The following NPAS3 variants were observed in gnomAD, a reference collection of about 807,000 sequenced individuals.
The protein encoded by NPAS3 is neuronal PAS domain-containing protein 3.
A neutral mutation model predicts 73.1 loss-of-function variants in NPAS3; 14 were observed. The ratio of observed to expected loss-of-function variants is 0.19; its 90% CI spans 0.13 to 0.30. The LOEUF is 0.30. NPAS3 is among the 10% of genes least tolerant of loss of function. The pLI is 1.00. For synonymous variants in NPAS3, 620 were observed against 541.5 expected, an observed-to-expected ratio of 1.14 and a Z score of -2.01; for missense variants, 1,096 against 1,250.0, an observed-to-expected ratio of 0.88 and a Z score of 1.86.
In NPAS3 at chr14:33,235,805, C is replaced by CTTTTTTTTTTTT. The variant is rs35968798; in HGVS notation, c.385+20392_385+20403dup. On this transcript the variant is annotated intron_variant, in intron 3 of 11. Transcript: ENST00000356141. ...GACTAAAAGTTCTGTTGATACAATT[C>CTTTTTTTTTTTT]TTTTTTTTTTTTTTTTTTTTTTTTG... 5.2e-4 allele frequency among the ~76,000 whole-genome samples: 42 copies of CTTTTTTTTTTTT among 80,632 alleles called. 7 individuals are homozygous for CTTTTTTTTTTTT. The highest frequency in any genetic ancestry group is 2.1e-3 in the African/African-American group (41 of 19,954). 52.9% of individuals were successfully genotyped at this position (80,632 alleles called of 152,430 possible).
chr14:33,202,715 T>G (rs1200414443), intron 2 of NPAS3, among the ~76,000 whole-genome samples: 2 of 152,020 alleles, frequency 1.3e-5, no homozygotes, highest in Non-Finnish European at 2.9e-5. Context: ...GTCTTTTTTT[T>G]TTTTGAAAAA....
chr14:33,296,764 A>G (rs755135361), intron 3 of NPAS3, among the ~76,000 whole-genome samples: 1 of 152,324 alleles, frequency 6.6e-6, no homozygotes, highest in South Asian at 2.1e-4. Flanking sequence ...GATGACGGAA[A>G]TGACAAAGCT....
At chr14:33,529,048 A>G (rs2053926417) in intron 4 of NPAS3, among the ~76,000 whole-genome samples, 1 of 152,134 alleles carries the variant, frequency 6.6e-6, no homozygotes, top group Non-Finnish European at 1.5e-5. Context: ...CTTGACTTAG[A>G]ACAACACAGC....
intron 5 of NPAS3, among the ~76,000 whole-genome samples, chr14:33,650,759 T>TCC (rs1430347130): frequency 6.6e-6 from 1 of 152,062 alleles, no homozygotes; most frequent in East Asian, 1.9e-4. Flanking sequence ...TCTCTCTCTC[T>TCC]CTCTCATTCT....
At chr14:33,675,733 A>T (rs1274460966) in intron 5 of NPAS3, among the ~76,000 whole-genome samples, 1 of 152,238 alleles carries the variant, frequency 6.6e-6, no homozygotes, top group Non-Finnish European at 1.5e-5. Context: ...GATGATATGT[A>T]TAAAAACACA....
intron 3 of NPAS3, among the ~76,000 whole-genome samples, chr14:33,265,360 C>T (rs1297563371): frequency 6.6e-6 from 1 of 152,150 alleles, no homozygotes; most frequent in Non-Finnish European, 1.5e-5. Flanking sequence ...ATTAACTGCT[C>T]TGTAAAATTT....
intron 3 of NPAS3, among the ~76,000 whole-genome samples, chr14:33,339,422 C>G (rs973121632): frequency 4.5e-4 from 69 of 152,212 alleles, no homozygotes; most frequent in African/African-American, 1.6e-3. Flanking sequence ...TTCAAAGCCT[C>G]TTTTTTCAAG....
chr14:33,559,744 C>T (rs1298945031), intron 4 of NPAS3, among the ~76,000 whole-genome samples: 4 of 152,190 alleles, frequency 2.6e-5, no homozygotes, highest in African/African-American at 9.7e-5. Flanking sequence ...CGTGGCCGGG[C>T]GCGGTGGCTT....
chr14:33,009,000 C>T (rs2039093927), intron 1 of NPAS3, among the ~76,000 whole-genome samples: 1 of 152,098 alleles, frequency 6.6e-6, no homozygotes, highest in Non-Finnish European at 1.5e-5. Flanking sequence ...AATTTAGCAT[C>T]ATATTGTTTT....
intron 6 of NPAS3, among the ~76,000 whole-genome samples, chr14:33,679,344 T>C (rs2059867330): frequency 6.6e-6 from 1 of 152,208 alleles, no homozygotes; most frequent in African/African-American, 2.4e-5. Flanking sequence ...CTACCTTAAA[T>C]GAAATATCTT....
intron 2 of NPAS3, among the ~76,000 whole-genome samples, chr14:33,159,426 G>A (rs2044768056): frequency 6.6e-6 from 1 of 152,036 alleles, no homozygotes; most frequent in Admixed American, 6.6e-5. Context: ...AGAATTATGG[G>A]AATCTTGTCA....
chr14:33,430,598 G>A (rs1256134517), intron 4 of NPAS3, among the ~76,000 whole-genome samples: 3 of 152,126 alleles, frequency 2.0e-5, no homozygotes, highest in African/African-American at 7.2e-5. Flanking sequence ...CAGTTTGAAA[G>A]CACTGATTTT....
At chr14:33,723,337 C>T (rs564787642) in intron 6 of NPAS3, among the ~76,000 whole-genome samples, 11 of 152,150 alleles carry the variant, frequency 7.2e-5, no homozygotes, top group Non-Finnish European at 1.5e-4. Context: ...AAAGGGCTGC[C>T]GGATTTACCA....
At chr14:33,388,566 G>GGGGAAAGGTTATATTAAGTTATA (rs1467413463) in intron 4 of NPAS3, among the ~76,000 whole-genome samples, 4 of 152,102 alleles carry the variant, frequency 2.6e-5, no homozygotes, top group Admixed American at 6.6e-5. Flanking sequence ...TGATAGTTGT[G>GGGGAAAGGTTATATTAAGTTATA]GGGAAAGGTT....
intron 5 of NPAS3, among the ~76,000 whole-genome samples, chr14:33,641,516 C>T (rs2058674489): frequency 6.6e-6 from 1 of 152,070 alleles, no homozygotes. Context: ...ATTGTGTGTA[C>T]CACTAGGGGC....
chr14:33,331,979 G>A (rs1339896811), intron 3 of NPAS3, among the ~76,000 whole-genome samples: 1 of 152,122 alleles, frequency 6.6e-6, no homozygotes, highest in Non-Finnish European at 1.5e-5. Context: ...AGAAACCTGG[G>A]GAAAACACCT....
intron 4 of NPAS3, among the ~76,000 whole-genome samples, chr14:33,486,550 A>C (rs2051609027): frequency 6.6e-6 from 1 of 152,202 alleles, no homozygotes; most frequent in Non-Finnish European, 1.5e-5. Flanking sequence ...CCTGTTAGCT[A>C]TAACCCCTGT....
At chr14:33,470,188 T>C (rs2050720186) in intron 4 of NPAS3, among the ~76,000 whole-genome samples, 1 of 152,186 alleles carries the variant, frequency 6.6e-6, no homozygotes, top group Non-Finnish European at 1.5e-5. Context: ...AGTCATATAA[T>C]GTCACTTACA....
At chr14:33,177,817 A>G (rs1301551373) in intron 2 of NPAS3, among the ~76,000 whole-genome samples, 1 of 152,180 alleles carries the variant, frequency 6.6e-6, no homozygotes, top group Non-Finnish European at 1.5e-5. Context: ...CCATAGATGT[A>G]TGGGTTTATT....
Sources: gnomAD v4.1 joint callset for allele counts (sites outside exome capture counted in the v4.1 genomes callset) on GRCh38, gnomAD v4.1.1 for gene constraint, MANE v1.5 for transcripts, NCBI Gene and HGNC (gene_info 2026-07-23, HGNC 2026-07-21) for gene names.